Variants in ESRRG observed in about 807,000 individuals in gnomAD.
ESRRG encodes the protein estrogen-related receptor gamma.
ESRRG carries 13 observed loss-of-function variants against 44.0 expected under a neutral mutation model. That is an observed-to-expected ratio of 0.30 (90% CI 0.19 to 0.47). The LOEUF is 0.47. Among genes scored for constraint, ESRRG ranks in the 20% least tolerant of loss-of-function variants. The pLI, the probability that ESRRG is intolerant of heterozygous loss-of-function variation, is 1.00. For synonymous variants in ESRRG, 215 were observed against 214.6 expected, an observed-to-expected ratio of 1.00 and a Z score of -0.02; for missense variants, 395 against 580.6, an observed-to-expected ratio of 0.68 and a Z score of 3.29.
intron 1 of ESRRG, among the ~76,000 whole-genome samples, chr1:216,942,973 C>A (rs1481577133): frequency 6.6e-6 from 1 of 152,096 alleles, no homozygotes; most frequent in Non-Finnish European, 1.5e-5. Flanking sequence ...GACTGACACA[C>A]AACTCACAAC....
chr1:216,855,526 G>C (rs1009466806), intron 2 of ESRRG, among the ~76,000 whole-genome samples: 4 of 152,164 alleles, frequency 2.6e-5, no homozygotes, highest in African/African-American at 9.7e-5. Flanking sequence ...AGAACCTGAG[G>C]CCAGCTAAAG....
intron 1 of ESRRG, among the ~76,000 whole-genome samples, chr1:217,072,877 C>G (rs2090743346): frequency 6.6e-6 from 1 of 152,090 alleles, no homozygotes; most frequent in Non-Finnish European, 1.5e-5. Context: ...TGAGGAATTT[C>G]ATCTCTAGCC....
chr1:217,035,436 G>A (rs1455851539), intron 1 of ESRRG, among the ~76,000 whole-genome samples: 2 of 151,768 alleles, frequency 1.3e-5, no homozygotes, highest in Non-Finnish European at 2.9e-5. Context: ...AGAAATTGAG[G>A]AATGAGACCA....
At chr1:216,514,969 C>T (rs2043780622) in intron 6 of ESRRG, among the ~76,000 whole-genome samples, 2 of 151,630 alleles carry the variant, frequency 1.3e-5, no homozygotes, top group South Asian at 4.2e-4. Context: ...TACACACACA[C>T]ACACACACAC....
chr1:217,112,042 A>T (rs571022452), intron 1 of ESRRG, among the ~76,000 whole-genome samples: 1 of 152,196 alleles, frequency 6.6e-6, no homozygotes, highest in East Asian at 1.9e-4. Context: ...CTCCAAGATA[A>T]CGGCCAGCCC....
chr1:216,646,587 G>A (rs1373482703), intron 3 of ESRRG, among the ~76,000 whole-genome samples: 1 of 152,126 alleles, frequency 6.6e-6, no homozygotes, highest in Non-Finnish European at 1.5e-5. Flanking sequence ...TACTGTCTCT[G>A]GCCACAGTAG....
At chr1:217,026,029 G>A (rs916877793) in intron 1 of ESRRG, among the ~76,000 whole-genome samples, 3 of 152,122 alleles carry the variant, frequency 2.0e-5, no homozygotes, top group Admixed American at 1.3e-4. Flanking sequence ...CCCCAGCAGA[G>A]GACCACCTTT....
At chr1:216,680,530 C>A (rs564443315) in intron 1 of ESRRG, among the ~76,000 whole-genome samples, 1 of 152,202 alleles carries the variant, frequency 6.6e-6, no homozygotes, top group Non-Finnish European at 1.5e-5. Flanking sequence ...CCACAGCCCA[C>A]GCATAAGTGG....
At chr1:216,586,405 T>G (rs1260777575) in intron 3 of ESRRG, among the ~76,000 whole-genome samples, 2 of 152,140 alleles carry the variant, frequency 1.3e-5, no homozygotes, top group Non-Finnish European at 2.9e-5. Flanking sequence ...AAATCAAGCT[T>G]AAGGTAAATT....
intron 2 of ESRRG, among the ~76,000 whole-genome samples, chr1:216,872,416 A>C (rs1365793144): frequency 2.0e-5 from 3 of 151,710 alleles, no homozygotes; most frequent in African/African-American, 7.3e-5. Flanking sequence ...CCATTCTAGA[A>C]CTCCTACGAT....
chr1:216,854,947 G>A (rs1405916826), intron 2 of ESRRG: 4 of 152,186 alleles, frequency 2.6e-5, no homozygotes, highest in South Asian at 2.1e-4. Flanking sequence ...TTTTGCTCAC[G>A]TTTGGTTGCT....
chr1:216,535,013 C>T (rs560881195), intron 5 of ESRRG, among the ~76,000 whole-genome samples: 1 of 152,212 alleles, frequency 6.6e-6, no homozygotes, highest in East Asian at 1.9e-4. Flanking sequence ...CAGCAGGATG[C>T]ATGGAGGCTG....
chr1:217,008,499 A>G (rs1269258263), intron 1 of ESRRG, among the ~76,000 whole-genome samples: 1 of 152,102 alleles, frequency 6.6e-6, no homozygotes, highest in Non-Finnish European at 1.5e-5. Flanking sequence ...TAGGCAACAT[A>G]CTACATTTAC....
chr1:216,865,690 T>A (rs887324634), intron 2 of ESRRG, among the ~76,000 whole-genome samples: 3 of 152,200 alleles, frequency 2.0e-5, no homozygotes, highest in Non-Finnish European at 4.4e-5. Flanking sequence ...CATTTAATTT[T>A]CAAGATTTTA....
intron 2 of ESRRG, among the ~76,000 whole-genome samples, chr1:216,880,711 A>G (rs1292932883): frequency 6.6e-6 from 1 of 152,206 alleles, no homozygotes; most frequent in Non-Finnish European, 1.5e-5. Flanking sequence ...ATATTGATTT[A>G]TAATCTGTAA....
At chr1:216,526,064 C>T (rs1252428583) in intron 5 of ESRRG, among the ~76,000 whole-genome samples, 6 of 152,144 alleles carry the variant, frequency 3.9e-5, no homozygotes, top group Non-Finnish European at 8.8e-5. Flanking sequence ...CTGTGGAAAA[C>T]ATTTAGCAAT....
chr1:216,961,685 C>T (rs2069116933), intron 1 of ESRRG, among the ~76,000 whole-genome samples: 1 of 151,538 alleles, frequency 6.6e-6, no homozygotes, highest in Admixed American at 6.6e-5. Context: ...AAAATTTTAC[C>T]TTGCTTTAAA....
chr1:217,099,183 A>G (rs573833110), intron 1 of ESRRG, among the ~76,000 whole-genome samples: 1 of 152,354 alleles, frequency 6.6e-6, no homozygotes, highest in African/African-American at 2.4e-5. Flanking sequence ...TGGAGTCCTA[A>G]TGAATGACTG....
intron 2 of ESRRG, among the ~76,000 whole-genome samples, chr1:216,911,119 T>C (rs977204199): frequency 8.5e-5 from 13 of 152,208 alleles, no homozygotes; most frequent in African/African-American, 2.9e-4. Flanking sequence ...GGAAAAAAGC[T>C]TGGCAAAAGT....
Sources: gnomAD v4.1 joint callset for allele counts (sites outside exome capture counted in the v4.1 genomes callset) on GRCh38, gnomAD v4.1.1 for gene constraint, MANE v1.5 for transcripts, NCBI Gene and HGNC (gene_info 2026-07-23, HGNC 2026-07-21) for gene names.